Variants in DLG4 observed in about 807,000 individuals in gnomAD.
The protein encoded by DLG4 is disks large homolog 4.
A neutral mutation model predicts 93.8 loss-of-function variants in DLG4; 7 were observed. The ratio of observed to expected loss-of-function variants is 0.07; its 90% CI spans 0.04 to 0.14. The LOEUF is 0.14. Ranked by LOEUF, DLG4 falls within the 10% of genes least tolerant of loss-of-function variation. DLG4 has a pLI of 1.00. For missense variants in DLG4, 545 were observed against 992.9 expected, an observed-to-expected ratio of 0.55 and a Z score of 6.06; for synonymous variants, 341 against 387.6, an observed-to-expected ratio of 0.88 and a Z score of 1.41.
In DLG4 at chr17:7,196,167, G is replaced by C. The variant is rs897990725; in HGVS notation, c.1301+53C>G. The C allele has an allele frequency of 5.7e-5, 81 of 1,413,264 alleles. No homozygotes were observed. Among genetic ancestry groups the C allele is most frequent in the Non-Finnish European group, 7.3e-5 (74 of 1,014,650 alleles). The allele number at this position is 1,413,264 out of a possible 1,614,324, so 87.5% of individuals were successfully genotyped here. ...GCGGCTGAGGCCCGGGCCAGGCACA[G>C]AGTGCCCAGGAACGCAGAGGGGCTG... On this transcript the variant is annotated intron_variant, in intron 11 of 19. Transcript: ENST00000399506. The surrounding 1 kb of genome is among the most constrained non-coding windows in gnomAD (Gnocchi z 8.3).
chr17:7,208,103 A>G lies in DLG4; in HGVS notation c.96+71T>C. On this transcript the variant is annotated intron_variant, in intron 2 of 19. Transcript: ENST00000399506. This position sits in a 1 kb window ranked among gnomAD's most constrained non-coding sequence, Gnocchi z 5.4. Reference sequence around the variant, plus strand: ...GAAGGGGGAGAGGTGGGCGTGGCCCACGACCCCGTGGCCAGCCTCGAGGTG... The same window carrying G: ...GAAGGGGGAGAGGTGGGCGTGGCCCGCGACCCCGTGGCCAGCCTCGAGGTG... 2 of 1,318,100 alleles carry G rather than the reference A, an allele frequency of 1.5e-6. No homozygotes were observed. Among genetic ancestry groups the G allele is most frequent in the South Asian group, 2.9e-5 (1 of 34,520 alleles). The allele number at this position is 1,318,100 out of a possible 1,614,324, so 81.7% of individuals were successfully genotyped here. A position where few individuals can be genotyped will look rare whatever the true frequency, so the allele number is the denominator to read the frequency against.
intron 1 of DLG4, among the ~76,000 whole-genome samples, chr17:7,212,179 CT>C: frequency 6.6e-6 from 1 of 152,168 alleles, no homozygotes; most frequent in East Asian, 1.9e-4. Context: ...CCCAAGGGAT[CT>C]ACACTGCCTC....
intron 8 of DLG4, among the ~76,000 whole-genome samples, chr17:7,198,597 C>T (rs2069939991): frequency 6.6e-6 from 1 of 152,084 alleles, no homozygotes; most frequent in Non-Finnish European, 1.5e-5. Flanking sequence ...CGCCTGTAAT[C>T]CCAGCACTTT....
At position 7,195,555 on chromosome 17, in the gene DLG4, G is replaced by A. The variant is rs537084641; in HGVS notation, c.1301+665C>T. ...TGTGGGACGCCTGTGGGACATCCCA[G>A]TGGAGATGGCCAGAAAGCCAATGGC... On this transcript the variant is annotated intron_variant, in intron 11 of 19. Transcript: ENST00000399506. This position sits in a 1 kb window ranked among gnomAD's most constrained non-coding sequence, Gnocchi z 4.3. Among the ~76,000 whole-genome samples the A allele has an allele frequency of 2.6e-5, 4 of 152,208 alleles. No homozygotes were observed. The highest frequency in any genetic ancestry group is 4.4e-5 in the Non-Finnish European group (3 of 68,042).
chr17:7,208,325 A>G lies in DLG4; in HGVS notation c.31-86T>C. 8.3e-7 allele frequency: 1 copy of G among 1,209,974 alleles called. No homozygotes were observed. The highest frequency in any genetic ancestry group is 1.1e-6 in the Non-Finnish European group (1 of 937,986). The allele number at this position is 1,209,974 out of a possible 1,614,324, so 75.0% of individuals were successfully genotyped here. A position where few individuals can be genotyped will look rare whatever the true frequency, so the allele number is the denominator to read the frequency against. Reference sequence around the variant, plus strand: ...CGCCCTGGCCGCCGCCTCTTCCCCCAGCCAGTGCAGTGCGGAAGGCCCTGG... The same window carrying G: ...CGCCCTGGCCGCCGCCTCTTCCCCCGGCCAGTGCAGTGCGGAAGGCCCTGG... On this transcript the variant is annotated intron_variant, in intron 1 of 19. Coordinates refer to ENST00000399506, the MANE Select transcript of DLG4 (RefSeq NM_001321075.3). The surrounding 1 kb of genome is among the most constrained non-coding windows in gnomAD (Gnocchi z 5.4).
At chr17:7,214,138 G>A (rs1248100194) in intron 1 of DLG4, among the ~76,000 whole-genome samples, 2 of 152,176 alleles carry the variant, frequency 1.3e-5, no homozygotes, top group East Asian at 3.8e-4. Context: ...GGTAGGAGGG[G>A]TGCTCTGATG....
Position 7,204,252 on chromosome 17 carries a change from C to A in DLG4, c.97G>T (p.Ala33Ser), listed in dbSNP as rs768555832. 24 of 1,586,946 alleles carry A rather than the reference C, an allele frequency of 1.5e-5. No individual in the cohort carries two copies. Among genetic ancestry groups the A allele is most frequent in the Non-Finnish European group, 2.1e-5 (24 of 1,164,768 alleles). ...EHSPAHLPNQANSPPVIVNTD... is the reference protein window; with the variant it reads ...EHSPAHLPNQSNSPPVIVNTD... ...TTGACAATCACTGGGGGAGAATTGG[C>A]CTGTTTGGGAAAACAAGAGACAAAA... Residue 33 changes from alanine to serine, a missense_variant and splice_region_variant, in exon 3 of 20, where the codon GCC becomes TCC. By Grantham distance (99) the Ala-to-Ser change is moderately conservative. This residue lies in a region of DLG4 where 49 missense variants were observed against 80.4 expected (regional missense o/e 0.61). Transcript: ENST00000399506.
In DLG4 at chr17:7,203,157, A is replaced by G; in HGVS notation, c.642+36T>C. ...GCCAGGGCTAGTAGGTGAGACCCAA[A>G]TCTGGGCTAGAAAATGGGCTAGATG... On this transcript the variant is annotated intron_variant, in intron 7 of 19. Coordinates refer to ENST00000399506, the MANE Select transcript of DLG4 (RefSeq NM_001321075.3). The surrounding 1 kb of genome is among the most constrained non-coding windows in gnomAD (Gnocchi z 7.2). 6.4e-7 allele frequency: 1 copy of G among 1,572,686 alleles called. No homozygotes were observed. The highest frequency in any genetic ancestry group is 8.7e-7 in the Non-Finnish European group (1 of 1,151,290).
intron 8 of DLG4, among the ~76,000 whole-genome samples, chr17:7,198,657 G>C (rs1483963523): frequency 1.3e-5 from 2 of 151,612 alleles, no homozygotes; most frequent in African/African-American, 2.4e-5. Context: ...AAACCAGCCT[G>C]GCCAAGATGG....
rs552755160 is a variant in DLG4 at position 7,193,701 on chromosome 17, C to T, written c.1557G>A (p.Ser519=). 33 of 1,572,684 alleles carry T rather than the reference C, an allele frequency of 2.1e-5. No individual in the cohort carries two copies. The highest frequency in any genetic ancestry group is 1.1e-4 in the African/African-American group (8 of 73,740). ...GCGTCACTGTCTCGTAGCTCAGAAC[C>T]GAGTCTTCTCGACCTGGTGGGAGGT... is the stretch of plus-strand genomic sequence containing the variant. The part of the protein sequence containing the change: ...SSSGSQGRED[S]VLSYETVTQM... Residue 519 remains serine (S), a synonymous_variant, in exon 15 of 20, where the codon TCG becomes TCA. Transcript: ENST00000399506. This position sits in a 1 kb window ranked among gnomAD's most constrained non-coding sequence, Gnocchi z 6.7.
At position 7,196,637 on chromosome 17, in the gene DLG4, G is replaced by A. The variant is rs2069802100; in HGVS notation, c.1084-62C>T. 6.2e-7 allele frequency: 1 copy of A among 1,601,468 alleles called. No homozygotes were observed. The highest frequency in any genetic ancestry group is 8.5e-7 in the Non-Finnish European group (1 of 1,171,352). ...GGAGGCAGCACTTCTGGGTCCAGGT[G>A]GAGCAGGGAGTGGTCCCGCAAGAGG... is the stretch of plus-strand genomic sequence containing the variant. On this transcript the variant is annotated intron_variant, in intron 9 of 19. Transcript: ENST00000399506. The surrounding 1 kb of genome is among the most constrained non-coding windows in gnomAD (Gnocchi z 8.3).
chr17:7,219,147 G>A, upstream of DLG4: 1 of 487,502 alleles, frequency 2.1e-6, no homozygotes, highest in East Asian at 3.6e-5. Flanking sequence ...CTCCTCCTGG[G>A]CCTCCTCTCA....
Position 7,196,613 on chromosome 17 carries a change from G to A in DLG4, c.1084-38C>T. On this transcript the variant is annotated intron_variant, in intron 9 of 19. Coordinates refer to ENST00000399506, the MANE Select transcript of DLG4 (RefSeq NM_001321075.3). This position sits in a 1 kb window ranked among gnomAD's most constrained non-coding sequence, Gnocchi z 8.3. ...CGACAGGCTGTGTCACCAGAGACAGGAGGCAGCACTTCTGGGTCCAGGTGG... is the reference window on the plus strand; with the variant it reads ...CGACAGGCTGTGTCACCAGAGACAGAAGGCAGCACTTCTGGGTCCAGGTGG... 1 of 1,610,728 alleles carries A rather than the reference G, an allele frequency of 6.2e-7. No homozygotes were observed. Among genetic ancestry groups the A allele is most frequent in the Non-Finnish European group, 8.5e-7 (1 of 1,177,302 alleles).
upstream of DLG4, chr17:7,219,012 A>G (rs3826409): frequency 4.6e-4 from 337 of 728,364 alleles, 2 homozygotes; most frequent in East Asian, 7.4e-3. Context: ...ATCTTGCTCC[A>G]CACACCCTGG....
At position 7,217,182 on chromosome 17, in the gene DLG4, C is replaced by A; in HGVS notation, c.-35G>T. The A allele has an allele frequency of 7.8e-7, 1 of 1,276,118 alleles. No individual in the cohort carries two copies. The highest frequency in any genetic ancestry group is 3.2e-5 in the South Asian group (1 of 31,514). 79.0% of individuals were successfully genotyped at this position (1,276,118 alleles called of 1,614,324 possible). A position where few individuals can be genotyped will look rare whatever the true frequency, so the allele number is the denominator to read the frequency against. On this transcript the variant is annotated 5_prime_UTR_variant, in exon 1 of 20. Transcript: ENST00000399506. ...CCTGGCCGCGGCGGCGGGTAAGGGG[C>A]TCTGACTTCATCGGAGTTTCGTTCC...
At chr17:7,218,661 T>A, upstream of DLG4, 1 of 1,555,758 alleles carries the variant, frequency 6.4e-7, no homozygotes. Context: ...CAAGGAGAAT[T>A]GGGACAGGGA....
chr17:7,188,553 T>A lies in DLG4; in HGVS notation c.*2155A>T, dbSNP rs2069355751. ...AAGGCAGAAGGCTGAGAGTCACCATTCTACATAGCAGGATCTCAGGAGCTT... is the reference window on the plus strand; with the variant it reads ...AAGGCAGAAGGCTGAGAGTCACCATACTACATAGCAGGATCTCAGGAGCTT... On this transcript the variant is annotated 3_prime_UTR_variant, in exon 20 of 20. Transcript: ENST00000399506. Among the ~76,000 whole-genome samples, 1 of 152,118 alleles carries A rather than the reference T, an allele frequency of 6.6e-6. No individual in the cohort carries two copies. Among genetic ancestry groups the A allele is most frequent in the Non-Finnish European group, 1.5e-5 (1 of 68,020 alleles).
At chr17:7,216,876 G>A (rs541784965) in intron 1 of DLG4, among the ~76,000 whole-genome samples, 2 of 151,190 alleles carry the variant, frequency 1.3e-5, no homozygotes, top group South Asian at 4.2e-4. Context: ...CAGGCCCCCC[G>A]AACCATGGAA....
intron 2 of DLG4, among the ~76,000 whole-genome samples, chr17:7,206,755 C>T (rs1465920366): frequency 2.0e-5 from 3 of 152,098 alleles, no homozygotes; most frequent in Admixed American, 6.5e-5. Context: ...TCCTATCCCC[C>T]AACTCCTCTC....
Sources: allele counts gnomAD v4.1 joint callset (sites outside exome capture counted in the v4.1 genomes callset), GRCh38; gene constraint gnomAD v4.1.1; regional missense constraint gnomAD v4.1.1; non-coding constraint Gnocchi (gnomAD v3.1); transcripts MANE v1.5; gene names NCBI Gene and HGNC (gene_info 2026-07-23, HGNC 2026-07-21).